SNX7: variants seen among roughly 807,000 people sequenced by gnomAD.
The protein encoded by SNX7 is sorting nexin 7, also known as sorting nexin-7.
Under a neutral mutation model 48.4 loss-of-function variants are expected in SNX7, and 35 were observed. That is an observed-to-expected ratio of 0.72 (90% CI 0.55 to 0.96). The LOEUF (loss-of-function observed/expected upper bound fraction) is 0.96, where lower values mean the gene tolerates loss of function less well. Among genes scored for constraint, SNX7 ranks in the 40% least tolerant of loss-of-function variants. The pLI is 0.00. For synonymous variants in SNX7, 190 were observed against 190.2 expected (o/e 1.00, Z 0.01); for missense variants, 553 against 548.9 (o/e 1.01, Z -0.07).
chr1:98,754,476 A>G (rs1654747913), intron 8 of SNX7, among the ~76,000 whole-genome samples: 1 of 152,004 alleles, frequency 6.6e-6, no homozygotes, highest in Non-Finnish European at 1.5e-5. Flanking sequence ...AAATTTGTGT[A>G]TGTGTATGAA....
intron 8 of SNX7, among the ~76,000 whole-genome samples, chr1:98,743,298 T>C (rs1004340537): frequency 6.6e-6 from 1 of 151,912 alleles, no homozygotes; most frequent in African/African-American, 2.4e-5. Context: ...AAAAATAATA[T>C]ATAAAAATAT....
At chr1:98,699,608 G>A (rs1651647651) in intron 6 of SNX7, among the ~76,000 whole-genome samples, 2 of 152,108 alleles carry the variant, frequency 1.3e-5, no homozygotes. Context: ...CTTGCATTCA[G>A]ATACAGCTCC....
chr1:98,669,862 T>C (rs1649751780), intron 1 of SNX7, among the ~76,000 whole-genome samples: 1 of 152,238 alleles, frequency 6.6e-6, no homozygotes, highest in African/African-American at 2.4e-5. Context: ...CTTAATACAT[T>C]CTGCCTTATA....
chr1:98,697,443 G>A (rs927686500), intron 5 of SNX7, among the ~76,000 whole-genome samples: 2 of 151,722 alleles, frequency 1.3e-5, no homozygotes, highest in East Asian at 1.9e-4. Context: ...AACAAAAAAC[G>A]GTCACTGCTT....
chr1:98,704,106 T>C (rs1481412660), intron 7 of SNX7, among the ~76,000 whole-genome samples: 1 of 152,074 alleles, frequency 6.6e-6, no homozygotes, highest in Non-Finnish European at 1.5e-5. Flanking sequence ...TCCACTGGGC[T>C]TGCAAATATT....
At chr1:98,698,161 G>A (rs1651557299) in intron 5 of SNX7, among the ~76,000 whole-genome samples, 1 of 152,188 alleles carries the variant, frequency 6.6e-6, no homozygotes, top group African/African-American at 2.4e-5. Context: ...TAGAGATGCT[G>A]ATGGTGGTGG....
At chr1:98,738,520 G>A in intron 8 of SNX7, 131 bp downstream of exon 8, 1 of 841,436 alleles carries the variant, frequency 1.2e-6, no homozygotes, top group Non-Finnish European at 1.8e-6. Flanking sequence ...GCTTGGTTTT[G>A]ATGAAGTTGT....
At chr1:98,734,075 A>G (rs562389088) in intron 7 of SNX7, among the ~76,000 whole-genome samples, 4 of 152,128 alleles carry the variant, frequency 2.6e-5, no homozygotes, top group African/African-American at 7.2e-5. Context: ...CCTCTTGTCC[A>G]TTCTTCTGTC....
At chr1:98,723,802 G>A (rs929882602) in intron 7 of SNX7, among the ~76,000 whole-genome samples, 1 of 151,830 alleles carries the variant, frequency 6.6e-6, no homozygotes, top group Non-Finnish European at 1.5e-5. Context: ...CAGAGGTTGC[G>A]CTGAACTGAG....
At chr1:98,704,013 A>G (rs1223671014) in intron 7 of SNX7, among the ~76,000 whole-genome samples, 2 of 152,146 alleles carry the variant, frequency 1.3e-5, no homozygotes, top group Non-Finnish European at 1.5e-5. Flanking sequence ...TTCCAAACAC[A>G]AAAGCACAAG....
At chr1:98,729,056 C>G (rs1223610223) in intron 7 of SNX7, among the ~76,000 whole-genome samples, 2 of 152,118 alleles carry the variant, frequency 1.3e-5, no homozygotes, top group African/African-American at 2.4e-5. Context: ...TAAAACATTC[C>G]TCAACAAATA....
At chr1:98,736,957 C>T (rs1012616437) in intron 7 of SNX7, among the ~76,000 whole-genome samples, 1 of 152,098 alleles carries the variant, frequency 6.6e-6, no homozygotes, top group African/African-American at 2.4e-5. Flanking sequence ...GTCATTTTTG[C>T]TCAAATCTTC....
intron 1 of SNX7, among the ~76,000 whole-genome samples, chr1:98,684,278 T>G (rs1650663023): frequency 1.3e-5 from 2 of 152,326 alleles, no homozygotes; most frequent in South Asian, 2.1e-4. Context: ...TATTCTTGCC[T>G]GAGTCCATTA....
chr1:98,734,083 G>C (rs894071362), intron 7 of SNX7, among the ~76,000 whole-genome samples: 1 of 151,906 alleles, frequency 6.6e-6, no homozygotes, highest in Non-Finnish European at 1.5e-5. Context: ...CCATTCTTCT[G>C]TCACACTCTG....
intron 7 of SNX7, among the ~76,000 whole-genome samples, chr1:98,709,550 A>G (rs1352848506): frequency 1.3e-5 from 2 of 152,186 alleles, no homozygotes; most frequent in Non-Finnish European, 2.9e-5. Context: ...GGAGAACCAT[A>G]AATCTATTTA....
In SNX7 at chr1:98,677,898, A is replaced by T. The variant is rs980645343; in HGVS notation, c.181-6987A>T. 8.0e-5 allele frequency among the ~76,000 whole-genome samples: 12 copies of T among 149,906 alleles called. No individual in the cohort carries two copies. The East Asian group carries it at 2.2e-3, about 27-fold the overall frequency. On this transcript the variant is annotated intron_variant, in intron 1 of 8. Coordinates refer to ENST00000306121, the MANE Select transcript of SNX7 (RefSeq NM_015976.5). ...GTCTCAAAAAAAAAAAAAAAAAGAA[A>T]TAGAGGTATATCATTCTAATTTGTG...
chr1:98,743,000 GT>G (rs570960487), intron 8 of SNX7, among the ~76,000 whole-genome samples: 5 of 151,018 alleles, frequency 3.3e-5, no homozygotes, highest in African/African-American at 4.9e-5. Context: ...TTAAACATTT[GT>G]TTTTTTTCTT....
rs148194503 is a variant in SNX7, at chr1:98,718,126, G to C, written c.1125+16223G>C. Among the ~76,000 whole-genome samples the C allele has an allele frequency of 1.4e-4, 21 of 152,164 alleles. No individual in the cohort carries two copies. In the East Asian group the frequency reaches 3.9e-3, roughly 28 times the overall value. ...TTGCACATAGAAGTGCAAATGTAAG[G>C]CTTCCCTAACACACTTCCTGAAGAA... On this transcript the variant is annotated intron_variant, in intron 7 of 8. Coordinates refer to ENST00000306121, the MANE Select transcript of SNX7 (RefSeq NM_015976.5).
At chr1:98,701,599 CATTT>C (rs779864784) in intron 6 of SNX7, among the ~76,000 whole-genome samples, 66 of 149,136 alleles carry the variant, frequency 4.4e-4, no homozygotes, top group Admixed American at 7.3e-4. Context: ...ACTAATAAAA[CATTT>C]ATAGGAAAAA....
Sources: allele counts gnomAD v4.1 joint callset (sites outside exome capture counted in the v4.1 genomes callset), GRCh38; gene constraint gnomAD v4.1.1; transcripts MANE v1.5; gene names NCBI Gene and HGNC (gene_info 2026-07-23, HGNC 2026-07-21).